NEK11: variants seen among roughly 807,000 people sequenced by gnomAD.
NEK11 encodes the protein NIMA related kinase 11.
NEK11 carries 72 observed loss-of-function variants against 80.7 expected under a neutral mutation model. The observed-to-expected ratio is 0.89, with a 90% CI of 0.74 to 1.08. NEK11 has a LOEUF of 1.08. NEK11 is among the 50% of genes least tolerant of loss of function. The pLI, the probability that NEK11 is intolerant of heterozygous loss-of-function variation, is 0.00. For missense variants in NEK11, 764 were observed against 763.6 expected (o/e 1.00, Z -0.01); for synonymous variants, 251 against 260.7 (o/e 0.96, Z 0.36).
intron 5 of NEK11, among the ~76,000 whole-genome samples, chr3:131,125,695 G>A (rs112226050): frequency 6.6e-6 from 1 of 152,058 alleles, no homozygotes; most frequent in Non-Finnish European, 1.5e-5. Flanking sequence ...CATCTAGTTG[G>A]CACTCAATAA....
At chr3:131,123,367 G>A (rs570207917) in intron 5 of NEK11, among the ~76,000 whole-genome samples, 17 of 152,012 alleles carry the variant, frequency 1.1e-4, no homozygotes, top group African/African-American at 3.1e-4. Flanking sequence ...GGGTTTCACC[G>A]TGCTGGCCAG....
At chr3:131,215,173 AC>A (rs2094778633) in intron 14 of NEK11, among the ~76,000 whole-genome samples, 2 of 151,934 alleles carry the variant, frequency 1.3e-5, no homozygotes, top group Admixed American at 1.3e-4. Flanking sequence ...ATATACAAGG[AC>A]AAAAAACCAA....
chr3:131,215,432 T>C (rs1299645852), intron 14 of NEK11, among the ~76,000 whole-genome samples: 1 of 151,396 alleles, frequency 6.6e-6, no homozygotes, highest in African/African-American at 2.4e-5. Flanking sequence ...CAAAAAAATA[T>C]ATAAAAAAAA....
At chr3:131,212,746 C>T (rs143301952) in intron 14 of NEK11, among the ~76,000 whole-genome samples, 72 of 152,296 alleles carry the variant, frequency 4.7e-4, no homozygotes, top group African/African-American at 1.5e-3. Flanking sequence ...TGTTTGGCAA[C>T]TTTATTCTCT....
At chr3:131,080,971 G>A (rs68051230) in intron 4 of NEK11, among the ~76,000 whole-genome samples, 24,586 of 151,896 alleles carry the variant, frequency 0.16, 2,095 homozygotes, top group Middle Eastern at 0.2. Context: ...TTAGCCGGGC[G>A]TGGTTGTATG....
intron 7 of NEK11, among the ~76,000 whole-genome samples, chr3:131,142,063 C>G (rs916236297): frequency 3.9e-5 from 6 of 152,324 alleles, no homozygotes; most frequent in Admixed American, 3.3e-4. Context: ...CAGTTGCAGT[C>G]CTGCTCTGAT....
intron 16 of NEK11, among the ~76,000 whole-genome samples, chr3:131,268,007 T>C (rs1375604287): frequency 6.6e-6 from 1 of 152,220 alleles, no homozygotes. Flanking sequence ...GTCTTCATGC[T>C]TTATTTCATT....
At chr3:131,139,767 C>T (rs767495062) in intron 7 of NEK11, among the ~76,000 whole-genome samples, 4 of 152,158 alleles carry the variant, frequency 2.6e-5, no homozygotes, top group Non-Finnish European at 5.9e-5. Flanking sequence ...TCATTGTTTA[C>T]ATTGCTTTTT....
intron 16 of NEK11, among the ~76,000 whole-genome samples, chr3:131,255,124 G>GAAAA: frequency 6.7e-6 from 1 of 150,220 alleles, no homozygotes; most frequent in South Asian, 2.1e-4. Context: ...AAGAAAGAAA[G>GAAAA]AAAGAGAGAA....
At chr3:131,188,864 A>C (rs1462157265) in intron 14 of NEK11, among the ~76,000 whole-genome samples, 1 of 152,122 alleles carries the variant, frequency 6.6e-6, no homozygotes, top group African/African-American at 2.4e-5. Context: ...CCCCCAAAAG[A>C]TATGTCTGCT....
intron 4 of NEK11, among the ~76,000 whole-genome samples, chr3:131,098,187 A>G (rs1400481835): frequency 6.6e-6 from 1 of 152,214 alleles, no homozygotes; most frequent in Non-Finnish European, 1.5e-5. Flanking sequence ...CGTTAGACCT[A>G]AAACCATAAA....
intron 4 of NEK11, among the ~76,000 whole-genome samples, chr3:131,094,846 T>C (rs1364913899): frequency 6.6e-6 from 1 of 152,150 alleles, no homozygotes; most frequent in Non-Finnish European, 1.5e-5. Context: ...TTATAAACCA[T>C]TTTAGGAATT....
At chr3:131,170,408 A>C (rs561686756) in intron 13 of NEK11, among the ~76,000 whole-genome samples, 2 of 152,334 alleles carry the variant, frequency 1.3e-5, no homozygotes, top group African/African-American at 4.8e-5. Context: ...GCAGAAACTG[A>C]GCAGGGCTGG....
intron 14 of NEK11, among the ~76,000 whole-genome samples, chr3:131,173,149 T>C (rs1045733452): frequency 6.6e-6 from 1 of 152,214 alleles, no homozygotes; most frequent in Non-Finnish European, 1.5e-5. Flanking sequence ...GTCGAGCAGC[T>C]CATGCCACTG....
chr3:131,232,568 T>A (rs1353120565), intron 15 of NEK11, among the ~76,000 whole-genome samples: 1 of 152,242 alleles, frequency 6.6e-6, no homozygotes, highest in Non-Finnish European at 1.5e-5. Context: ...AGAGTTCCAC[T>A]ATTCCAGTTA....
intron 17 of NEK11, chr3:131,325,919 A>T (rs1220143122): frequency 6.6e-6 from 1 of 152,240 alleles, no homozygotes; most frequent in East Asian, 1.9e-4. Context: ...CAGATTGATA[A>T]ATGAGCAGTT....
chr3:131,276,670 A>G (rs2096297305), intron 17 of NEK11, among the ~76,000 whole-genome samples: 1 of 152,018 alleles, frequency 6.6e-6, no homozygotes, highest in Non-Finnish European at 1.5e-5. Flanking sequence ...TTGAGAATAG[A>G]TTCCATGCTT....
chr3:131,310,676 G>A (rs1283263210), intron 17 of NEK11, among the ~76,000 whole-genome samples: 1 of 152,182 alleles, frequency 6.6e-6, no homozygotes, highest in Non-Finnish European at 1.5e-5. Flanking sequence ...GCAGGGAGAT[G>A]TGTTTCTTGG....
intron 3 of NEK11, among the ~76,000 whole-genome samples, chr3:131,054,782 AAATAAATAAATGAATG>A (rs765844850): frequency 4.2e-4 from 61 of 145,576 alleles, no homozygotes; most frequent in South Asian, 1.3e-3. Context: ...ATAAATAAAT[AAATAAATAAATGAATG>A]AATGTACCCG....
Sources: gnomAD v4.1 joint callset for allele counts (sites outside exome capture counted in the v4.1 genomes callset) on GRCh38, gnomAD v4.1.1 for gene constraint, MANE v1.5 for transcripts, NCBI Gene and HGNC (gene_info 2026-07-23, HGNC 2026-07-21) for gene names.